ADGRL3: variants seen among roughly 807,000 people sequenced by gnomAD.
The protein encoded by ADGRL3 is adhesion G protein-coupled receptor L3, also known as calcium-independent alpha-latrotoxin receptor 3.
A neutral mutation model predicts 153.5 loss-of-function variants in ADGRL3; 62 were observed. That is an observed-to-expected ratio of 0.40 (90% confidence interval 0.33 to 0.50). The LOEUF is 0.50. ADGRL3 is among the 20% of genes least tolerant of loss of function. The pLI, the probability that ADGRL3 is intolerant of heterozygous loss-of-function variation, is 0.47. For missense variants in ADGRL3, 1,641 were observed against 1,859.4 expected (o/e 0.88, Z 2.16); for synonymous variants, 710 against 672.5 (o/e 1.06, Z -0.86).
At chr4:61,755,206 A>G (rs912626892) in intron 8 of ADGRL3, among the ~76,000 whole-genome samples, 12 of 152,068 alleles carry the variant, frequency 7.9e-5, no homozygotes, top group South Asian at 4.2e-4. Context: ...TGACTTCCAC[A>G]ATGGTTGAAC....
rs1156265776 is a variant in ADGRL3 at position 61,892,586 on chromosome 4, A to G, written c.1481-70A>G. On this transcript the variant is annotated intron_variant, in intron 9 of 26. Coordinates refer to ENST00000683033, the MANE Select transcript of ADGRL3 (RefSeq NM_001387552.1). ...ACTGTCAAATAAAAACAATTTCTAA[A>G]GTACTAGGACATCTTGAGGTCCTCC... The G allele has an allele frequency of 7.5e-6, 8 of 1,069,338 alleles. No homozygotes were observed. In the East Asian group the frequency reaches 1.9e-4, roughly 25 times the overall value. 66.2% of individuals were successfully genotyped at this position (1,069,338 alleles called of 1,614,324 possible). A position where few individuals can be genotyped will look rare whatever the true frequency, so the allele number is the denominator to read the frequency against.
At chr4:61,463,248 A>G (rs1165748483) in intron 2 of ADGRL3, among the ~76,000 whole-genome samples, 1 of 152,316 alleles carries the variant, frequency 6.6e-6, no homozygotes, top group Admixed American at 6.5e-5. Flanking sequence ...AGGTATAAAA[A>G]ACTACCTGAG....
At chr4:61,785,656 T>C (rs1458800627) in intron 8 of ADGRL3, among the ~76,000 whole-genome samples, 1 of 152,204 alleles carries the variant, frequency 6.6e-6, no homozygotes, top group African/African-American at 2.4e-5. Flanking sequence ...TCTTAGTCTC[T>C]CTCTTTCTCC....
chr4:61,623,521 C>T (rs2092657935), intron 5 of ADGRL3, among the ~76,000 whole-genome samples: 1 of 152,054 alleles, frequency 6.6e-6, no homozygotes, highest in Non-Finnish European at 1.5e-5. Context: ...GCAATCCTTT[C>T]AGAAATATTT....
At chr4:61,250,619 A>C (rs531354751) in intron 1 of ADGRL3, among the ~76,000 whole-genome samples, 1 of 152,302 alleles carries the variant, frequency 6.6e-6, no homozygotes, top group African/African-American at 2.4e-5. Context: ...ACTTCAAGTA[A>C]ATTTTCCTGA....
chr4:61,673,767 AC>A (rs550835279), intron 5 of ADGRL3, among the ~76,000 whole-genome samples: 51 of 151,244 alleles, frequency 3.4e-4, no homozygotes, highest in African/African-American at 1.2e-3. Context: ...GATTGAATCT[AC>A]CTTTTTCCAT....
intron 2 of ADGRL3, among the ~76,000 whole-genome samples, chr4:61,439,965 G>T (rs1354252301): frequency 1.3e-5 from 2 of 152,160 alleles, no homozygotes; most frequent in African/African-American, 2.4e-5. Context: ...CAATGAAATT[G>T]TTGCAATTTC....
intron 5 of ADGRL3, among the ~76,000 whole-genome samples, chr4:61,603,421 T>G (rs2099019848): frequency 6.6e-6 from 1 of 152,164 alleles, no homozygotes. Context: ...GCTTAGGAGT[T>G]TAGAAAACTT....
At chr4:61,773,524 A>G (rs1358631627) in intron 8 of ADGRL3, among the ~76,000 whole-genome samples, 1 of 152,166 alleles carries the variant, frequency 6.6e-6, no homozygotes, top group Non-Finnish European at 1.5e-5. Context: ...GAAAAGTAAA[A>G]TTTTATTCTG....
At chr4:61,403,227 G>A (rs901938076) in intron 2 of ADGRL3, among the ~76,000 whole-genome samples, 1 of 152,056 alleles carries the variant, frequency 6.6e-6, no homozygotes, top group African/African-American at 2.4e-5. Flanking sequence ...AGTGGCAAAT[G>A]TCTTTTTGTA....
chr4:61,283,473 T>C (rs530070751), intron 1 of ADGRL3, among the ~76,000 whole-genome samples: 2 of 152,118 alleles, frequency 1.3e-5, no homozygotes, highest in Admixed American at 1.3e-4. Context: ...CAATAGCTGC[T>C]TCATATGCTG....
chr4:61,994,745 A>AT (rs940722215), intron 19 of ADGRL3, among the ~76,000 whole-genome samples: 8 of 150,806 alleles, frequency 5.3e-5, no homozygotes, highest in South Asian at 2.1e-4. Flanking sequence ...GAGTTTGGTG[A>AT]TTTTTTTTTC....
chr4:61,506,986 C>T (rs2098434910), intron 3 of ADGRL3, among the ~76,000 whole-genome samples: 1 of 152,116 alleles, frequency 6.6e-6, no homozygotes, highest in Non-Finnish European at 1.5e-5. Context: ...TCTACTTTCA[C>T]TCATTACTGA....
At chr4:61,734,087 G>C (rs1281199423) in intron 8 of ADGRL3, among the ~76,000 whole-genome samples, 9 of 152,132 alleles carry the variant, frequency 5.9e-5, no homozygotes, top group African/African-American at 2.2e-4. Context: ...TGAGAAAAAT[G>C]TTCATAACTG....
chr4:61,415,834 T>A (rs2097138706), intron 2 of ADGRL3, among the ~76,000 whole-genome samples: 1 of 152,106 alleles, frequency 6.6e-6, no homozygotes, highest in Admixed American at 6.5e-5. Flanking sequence ...AACGTACATT[T>A]CAATAATATG....
intron 6 of ADGRL3, among the ~76,000 whole-genome samples, chr4:61,691,174 C>A (rs537058194): frequency 1.3e-5 from 2 of 152,290 alleles, no homozygotes; most frequent in African/African-American, 4.8e-5. Context: ...GATTCTAACA[C>A]ACAATTTGAG....
chr4:61,577,834 G>A (rs990675810), intron 4 of ADGRL3, among the ~76,000 whole-genome samples: 1 of 151,132 alleles, frequency 6.6e-6, no homozygotes, highest in East Asian at 2.0e-4. Context: ...GAAAAAAAAA[G>A]GGTAATGACC....
chr4:61,731,187 A>G (rs2096435798), intron 7 of ADGRL3, among the ~76,000 whole-genome samples: 1 of 151,906 alleles, frequency 6.6e-6, no homozygotes, highest in African/African-American at 2.4e-5. Flanking sequence ...ATGGCCCTCT[A>G]TCCTTTCTAT....
intron 2 of ADGRL3, among the ~76,000 whole-genome samples, chr4:61,393,620 G>A (rs1395687350): frequency 6.6e-6 from 1 of 151,650 alleles, no homozygotes; most frequent in African/African-American, 2.4e-5. Flanking sequence ...TTTTCAGGGT[G>A]AATATACATT....
Sources: gnomAD v4.1 joint callset for allele counts (sites outside exome capture counted in the v4.1 genomes callset) on GRCh38, gnomAD v4.1.1 for gene constraint, MANE v1.5 for transcripts, NCBI Gene and HGNC (gene_info 2026-07-23, HGNC 2026-07-21) for gene names.